The following DPM1 variants were observed in gnomAD, a reference collection of about 807,000 sequenced individuals.
DPM1 encodes dolichyl-phosphate mannosyltransferase subunit 1, catalytic, also known as dolichol-phosphate mannosyltransferase subunit 1.
Under a neutral mutation model 39.0 loss-of-function variants are expected in DPM1, and 27 were observed. That is an observed-to-expected ratio of 0.69 (90% CI 0.51 to 0.95). The LOEUF (loss-of-function observed/expected upper bound fraction) is 0.95, where lower values mean the gene tolerates loss of function less well. Ranked by LOEUF, DPM1 falls within the 40% of genes least tolerant of loss-of-function variation. The pLI, the probability that DPM1 is intolerant of heterozygous loss-of-function variation, is 0.00. For missense variants in DPM1, 307 were observed against 315.6 expected, an observed-to-expected ratio of 0.97 and a Z score of 0.21; for synonymous variants, 124 against 109.0, an observed-to-expected ratio of 1.14 and a Z score of -0.86.
intron 3 of DPM1, among the ~76,000 whole-genome samples, chr20:50,948,255 C>T (rs1986396951): frequency 6.6e-6 from 1 of 152,176 alleles, no homozygotes; most frequent in South Asian, 2.1e-4. Flanking sequence ...TCCCTCTGGG[C>T]AGCCCAGGTT....
intron 7 of DPM1, among the ~76,000 whole-genome samples, chr20:50,940,040 G>A (rs1053999079): frequency 6.6e-6 from 1 of 151,752 alleles, no homozygotes; most frequent in Non-Finnish European, 1.5e-5. Flanking sequence ...TTTAGTTCTA[G>A]AGAGGCTTCA....
chr20:50,955,352 TTAC>T (rs1413480020), intron 1 of DPM1, 67 bp from the exon 2 acceptor site: 2 of 1,131,420 alleles, frequency 1.8e-6, no homozygotes, highest in Non-Finnish European at 2.6e-6. Flanking sequence ...AATTTAAAAA[TTAC>T]TAATTCCTTA....
At chr20:50,936,736 A>G (rs2123063717) in intron 7 of DPM1, among the ~76,000 whole-genome samples, 1 of 152,306 alleles carries the variant, frequency 6.6e-6, no homozygotes, top group Middle Eastern at 3.4e-3. Flanking sequence ...ATGAGTTTTG[A>G]TTTCTCATGA....
rs1985881962 is a variant in DPM1, at chr20:50,942,043, C to A, written c.482G>T (p.Arg161Ile). ...NGGVYGWDLK[R>I]KIISRGANFL... ...CACATGTACCTACCTGATTATTTTT[C>A]TTTTCAAATCCCAGCCATATACACC... is the stretch of plus-strand genomic sequence containing the variant. Residue 161 changes from arginine (R) to isoleucine (I), a missense_variant, in exon 6 of 9, where the codon AGA (arginine) becomes ATA (isoleucine). Transcript: ENST00000371588. 1.9e-6 allele frequency: 3 copies of A among 1,613,546 alleles called. No individual in the cohort carries two copies. The African/African-American group carries it at 4.0e-5, about 22-fold the overall frequency.
chr20:50,948,145 T>C (rs1248927024), intron 3 of DPM1, among the ~76,000 whole-genome samples: 1 of 152,022 alleles, frequency 6.6e-6, no homozygotes, highest in African/African-American at 2.4e-5. Context: ...AAGGGAAAAG[T>C]CTAAGTGGTC....
intron 2 of DPM1, among the ~76,000 whole-genome samples, chr20:50,954,054 A>G (rs1167327887): frequency 6.6e-6 from 1 of 152,208 alleles, no homozygotes; most frequent in Non-Finnish European, 1.5e-5. Context: ...TACATTTACC[A>G]TGTAGTAACA....
At chr20:50,942,918 C>G (rs1197597495) in intron 5 of DPM1, among the ~76,000 whole-genome samples, 3 of 152,218 alleles carry the variant, frequency 2.0e-5, no homozygotes. Flanking sequence ...TGGCACACGC[C>G]TGTAATCCCA....
At chr20:50,947,386 A>C (rs1986351283) in intron 3 of DPM1, among the ~76,000 whole-genome samples, 2 of 152,172 alleles carry the variant, frequency 1.3e-5, no homozygotes, top group African/African-American at 4.8e-5. Context: ...TAAAGGAGTG[A>C]ATATTTACAC....
In DPM1 at chr20:50,946,484, A is replaced by G. The variant is rs139042067; in HGVS notation, c.296-561T>C. Reference sequence around the variant, plus strand: ...GATTCTTGATTTCCTGCCTTTAACCATAACTTCTAAACTGTAATTAAGTCC... The same window carrying G: ...GATTCTTGATTTCCTGCCTTTAACCGTAACTTCTAAACTGTAATTAAGTCC... On this transcript the variant is annotated intron_variant, in intron 3 of 8. Coordinates refer to ENST00000371588, the MANE Select transcript of DPM1 (RefSeq NM_003859.3). 1.4e-3 allele frequency among the ~76,000 whole-genome samples: 216 copies of G among 152,354 alleles called. 1 individual carries two copies. Among genetic ancestry groups the G allele is most frequent in the African/African-American group, 5.0e-3 (208 of 41,574 alleles).
intron 1 of DPM1, among the ~76,000 whole-genome samples, chr20:50,958,046 T>A (rs1404325650): frequency 6.6e-6 from 1 of 151,754 alleles, no homozygotes; most frequent in Non-Finnish European, 1.5e-5. Context: ...GAGGGAGGAG[T>A]GGGATCACGC....
chr20:50,939,808 C>T (rs532522040), intron 7 of DPM1, among the ~76,000 whole-genome samples: 1 of 151,578 alleles, frequency 6.6e-6, no homozygotes, highest in South Asian at 2.1e-4. Flanking sequence ...GACAGGATTT[C>T]GCCACGTTGC....
chr20:50,940,959 C>T (rs1403080915), intron 6 of DPM1, 26 bp from the exon 7 acceptor site: 7 of 1,609,420 alleles, frequency 4.3e-6, no homozygotes, highest in Non-Finnish European at 6.0e-6. Context: ...ATCAGATCTT[C>T]TTTACAAAAT....
intron 6 of DPM1, 33 bp downstream of exon 6, chr20:50,941,998 T>C (rs1309646269): frequency 4.6e-6 from 7 of 1,533,582 alleles, no homozygotes; most frequent in Non-Finnish European, 5.4e-6. Flanking sequence ...CCAGTAGTTA[T>C]ACTAATAAAG....
intron 6 of DPM1, 108 bp downstream of exon 6, chr20:50,941,923 T>A: frequency 1.1e-6 from 1 of 949,432 alleles, no homozygotes; most frequent in Middle Eastern, 2.3e-4. Flanking sequence ...CTGGAAGTTA[T>A]AACCTGATCC....
chr20:50,937,073 T>G (rs1323124232), intron 7 of DPM1, among the ~76,000 whole-genome samples: 1 of 150,926 alleles, frequency 6.6e-6, no homozygotes, highest in Non-Finnish European at 1.5e-5. Context: ...AAGATCAGTG[T>G]CTCAGTTCAT....
At chr20:50,942,213 A>T (rs551900259) in intron 5 of DPM1, 87 bp from the exon 6 acceptor site, 1 of 1,212,712 alleles carries the variant, frequency 8.2e-7, no homozygotes, top group South Asian at 1.2e-5. Flanking sequence ...AACTTTTAAG[A>T]GAAGTCGACA....
At chr20:50,950,791 A>T (rs117851374) in intron 2 of DPM1, among the ~76,000 whole-genome samples, 3,735 of 152,088 alleles carry the variant, frequency 0.025, 72 homozygotes, top group Middle Eastern at 0.061. Context: ...AATCGCTTGA[A>T]CCCGGGAAGT....
rs774244338 is a variant in DPM1 at position 50,948,668 on chromosome 20, G to A, written c.262-6C>T. The A allele has an allele frequency of 8.7e-6, 14 of 1,613,102 alleles. No individual in the cohort carries two copies. Among genetic ancestry groups the A allele is most frequent in the Non-Finnish European group, 8.5e-7 (1 of 1,179,366 alleles). ...TTCTCTCGTGGTCTTAGAAGCTGTA[G>A]GAATAAGAAATAGCATTTTACACAC... On this transcript the variant is annotated splice_polypyrimidine_tract_variant and splice_region_variant and intron_variant, in intron 2 of 8. Transcript: ENST00000371588.
intron 6 of DPM1, chr20:50,941,235 T>TATATATATATATATAC (rs1985720656): frequency 1.3e-5 from 2 of 150,632 alleles, no homozygotes; most frequent in Non-Finnish European, 2.5e-5. Flanking sequence ...TGAATATATA[T>TATATATATATATATAC]ATATATATAT....
Sources: allele counts gnomAD v4.1 joint callset (sites outside exome capture counted in the v4.1 genomes callset), GRCh38; gene constraint gnomAD v4.1.1; transcripts MANE v1.5; gene names NCBI Gene and HGNC (gene_info 2026-07-23, HGNC 2026-07-21).